SYNE3: variants seen among roughly 807,000 people sequenced by gnomAD.
SYNE3 encodes nesprin-3.
SYNE3 carries 100 observed loss-of-function variants against 111.2 expected under a neutral mutation model. That is an observed-to-expected ratio of 0.90 (90% CI 0.77 to 1.06). The LOEUF (loss-of-function observed/expected upper bound fraction) is 1.06. Among genes scored for constraint, SYNE3 ranks in the 50% least tolerant of loss-of-function variants. SYNE3 has a pLI of 0.00. For synonymous variants in SYNE3, 547 were observed against 533.9 expected (o/e 1.02, Z -0.34); for missense variants, 1,160 against 1,240.3 (o/e 0.94, Z 0.97).
At chr14:95,419,663 T>C (rs983419848) in intron 17 of SYNE3, among the ~76,000 whole-genome samples, 3 of 141,258 alleles carry the variant, frequency 2.1e-5, no homozygotes, top group African/African-American at 5.4e-5. Context: ...ATGGCAGTGA[T>C]GCTTGATGAT....
At chr14:95,489,109 A>T (rs12891762) in intron 1 of SYNE3, among the ~76,000 whole-genome samples, 2 of 152,310 alleles carry the variant, frequency 1.3e-5, no homozygotes, top group South Asian at 4.1e-4. Flanking sequence ...ACCTGCTCCA[A>T]TTCTCAGGGT....
rs146488869 is a variant in SYNE3 at position 95,489,907 on chromosome 14, G to A, written c.-14-14072C>T. On this transcript the variant is annotated intron_variant, in intron 1 of 17. Coordinates refer to ENST00000682763, the MANE Select transcript of SYNE3 (RefSeq NM_152592.6). ...CACAGACTCTGTAACCCCAAAATAAGAGGCTTCCTTCAGGCCACGAGTGGG... is the reference window on the plus strand; with the variant it reads ...CACAGACTCTGTAACCCCAAAATAAAAGGCTTCCTTCAGGCCACGAGTGGG... 2.6e-4 allele frequency among the ~76,000 whole-genome samples: 40 copies of A among 152,314 alleles called. No homozygotes were observed. The East Asian group carries it at 7.1e-3, about 27-fold the overall frequency.
rs116517397 is a variant in SYNE3 at position 95,487,328 on chromosome 14, T to C, written c.-14-11493A>G. Among the ~76,000 whole-genome samples, 825 of 152,344 alleles carry C rather than the reference T, an allele frequency of 5.4e-3. 11 individuals are homozygous for C. The highest frequency in any genetic ancestry group is 0.019 in the African/African-American group (783 of 41,570). On this transcript the variant is annotated intron_variant, in intron 1 of 17. Transcript: ENST00000682763. Reference sequence around the variant, plus strand: ...TTTCTTACACCTTGGAGGTAGGTCCTGTTATTGTTCCCATTTCTCAGTGAG... The same window carrying C: ...TTTCTTACACCTTGGAGGTAGGTCCCGTTATTGTTCCCATTTCTCAGTGAG...
intron 16 of SYNE3, among the ~76,000 whole-genome samples, chr14:95,432,842 G>A (rs1287322844): frequency 1.3e-5 from 2 of 152,024 alleles, no homozygotes; most frequent in African/African-American, 4.8e-5. Flanking sequence ...GGCTGGCTCT[G>A]CCACTGACCA....
chr14:95,474,110 G>A (rs1384259100), intron 2 of SYNE3, among the ~76,000 whole-genome samples: 1 of 150,870 alleles, frequency 6.6e-6, no homozygotes, highest in African/African-American at 2.4e-5. Context: ...CTGGAACTAA[G>A]GCTGGTATGA....
chr14:95,430,212 C>T (rs976410529), intron 17 of SYNE3, among the ~76,000 whole-genome samples: 6 of 152,292 alleles, frequency 3.9e-5, no homozygotes, highest in African/African-American at 7.2e-5. Context: ...AGACTTGACA[C>T]CCACATGGAT....
intron 1 of SYNE3, among the ~76,000 whole-genome samples, chr14:95,476,196 G>A (rs778380725): frequency 3.3e-5 from 5 of 152,196 alleles, no homozygotes; most frequent in African/African-American, 4.8e-5. Flanking sequence ...AGTCCGAAAC[G>A]TCTGGACCCA....
At chr14:95,508,206 T>C (rs1292040454) in intron 1 of SYNE3, among the ~76,000 whole-genome samples, 1 of 152,212 alleles carries the variant, frequency 6.6e-6, no homozygotes, top group African/African-American at 2.4e-5. Flanking sequence ...TGCCAAATGG[T>C]AACAACATCA....
chr14:95,496,008 C>T (rs1478083972), intron 1 of SYNE3, among the ~76,000 whole-genome samples: 1 of 152,160 alleles, frequency 6.6e-6, no homozygotes, highest in East Asian at 1.9e-4. Flanking sequence ...GCTCCAAAAC[C>T]CAGGTCTCTC....
At chr14:95,476,427 G>A (rs530178322) in intron 1 of SYNE3, among the ~76,000 whole-genome samples, 9 of 152,290 alleles carry the variant, frequency 5.9e-5, no homozygotes, top group African/African-American at 1.7e-4. Flanking sequence ...TGACCTCTGC[G>A]CAGCACTCCT....
At chr14:95,450,251 G>T in intron 7 of SYNE3, 146 bp from the exon 8 acceptor site, 1 of 904,306 alleles carries the variant, frequency 1.1e-6, no homozygotes, top group Non-Finnish European at 1.6e-6. Context: ...GGGAATGTCT[G>T]CAGCAGTAGA....
At chr14:95,509,479 A>G (rs964140833) in intron 1 of SYNE3, among the ~76,000 whole-genome samples, 1 of 152,186 alleles carries the variant, frequency 6.6e-6, no homozygotes, top group Non-Finnish European at 1.5e-5. Context: ...CAAGTCCCCA[A>G]ACACCTACTT....
chr14:95,417,961 C>T lies in SYNE3; in HGVS notation c.2793G>A (p.Gln931=). The change falls in exon 18 of 18, where the codon CAG becomes CAA. Residue 931 remains glutamine, a synonymous_variant. Transcript: ENST00000682763. ...RRACCVALPL[Q]LLLLLFLLLL... ...GGAGGAGGAACAGCAGCAGAAGCAG[C>T]TGCAGTGGGAGCGCCACACAGCACG... 6.2e-7 allele frequency: 1 copy of T among 1,613,536 alleles called. No individual in the cohort carries two copies.
chr14:95,430,485 C>T (rs924292873), intron 17 of SYNE3, among the ~76,000 whole-genome samples: 2 of 152,174 alleles, frequency 1.3e-5, no homozygotes, highest in African/African-American at 2.4e-5. Context: ...ACAGTTCACA[C>T]GATCTTCAAA....
chr14:95,459,612 G>A (rs543047780), intron 4 of SYNE3, among the ~76,000 whole-genome samples: 4 of 152,300 alleles, frequency 2.6e-5, no homozygotes, highest in Admixed American at 6.5e-5. Flanking sequence ...AAGAGTGAAC[G>A]GGTAAGTGCA....
chr14:95,490,161 G>C (rs146441827), intron 1 of SYNE3, among the ~76,000 whole-genome samples: 81 of 152,366 alleles, frequency 5.3e-4, no homozygotes, highest in African/African-American at 1.9e-3. Context: ...GTTAGTAAGG[G>C]AAATACACGC....
chr14:95,480,283 C>T (rs1006850389), intron 1 of SYNE3, among the ~76,000 whole-genome samples: 1 of 152,208 alleles, frequency 6.6e-6, no homozygotes, highest in Non-Finnish European at 1.5e-5. Flanking sequence ...GAGTGCTGAC[C>T]CTTTCTGGGT....
At position 95,417,423 on chromosome 14, in the gene SYNE3, C is replaced by A; in HGVS notation, c.*403G>T. ...GGGATTCGCTTTGGAGAAGAGGTTG[C>A]CATGAAAGTGACATGTTATTGTTCT... is the stretch of plus-strand genomic sequence containing the variant. On this transcript the variant is annotated 3_prime_UTR_variant, in exon 18 of 18. Transcript: ENST00000682763. The A allele has an allele frequency of 4.0e-6, 1 of 249,132 alleles. No homozygotes were observed. The highest frequency in any genetic ancestry group is 5.4e-5 in the South Asian group (1 of 18,382). 15.4% of individuals were successfully genotyped at this position (249,132 alleles called of 1,614,324 possible). A position where few individuals can be genotyped will look rare whatever the true frequency, so the allele number is the denominator to read the frequency against.
Position 95,513,737 on chromosome 14 carries a change from T to TTATATATATATATATA in SYNE3, c.-15+2843_-15+2858dup, listed in dbSNP as rs59944497. On this transcript the variant is annotated intron_variant, in intron 1 of 17. Coordinates refer to ENST00000682763, the MANE Select transcript of SYNE3 (RefSeq NM_152592.6). ...TTGTGGTCCAGTCAGGCTGCTTAGA[T>TTATATATATATATATA]TATATATATATATATATATATATAT... Among the ~76,000 whole-genome samples the TTATATATATATATATA allele has an allele frequency of 4.7e-3, 435 of 92,426 alleles. 5 individuals are homozygous for TTATATATATATATATA. The highest frequency in any genetic ancestry group is 5.7e-3 in the South Asian group (13 of 2,300). The allele number at this position is 92,426 out of a possible 152,430, so 60.6% of individuals were successfully genotyped here.
Sources: gnomAD v4.1 joint callset for allele counts (sites outside exome capture counted in the v4.1 genomes callset) on GRCh38, gnomAD v4.1.1 for gene constraint, MANE v1.5 for transcripts, NCBI Gene and HGNC (gene_info 2026-07-23, HGNC 2026-07-21) for gene names.